Variants in SEMA5A observed in about 807,000 individuals in gnomAD.
SEMA5A encodes the protein semaphorin 5A.
SEMA5A carries 55 observed loss-of-function variants against 135.5 expected under a neutral mutation model. The ratio of observed to expected loss-of-function variants is 0.41; its 90% CI spans 0.33 to 0.51. SEMA5A has a LOEUF of 0.51. Ranked by LOEUF, SEMA5A falls within the 20% of genes least tolerant of loss-of-function variation. The pLI is 0.37. For synonymous variants in SEMA5A, 580 were observed against 546.5 expected (o/e 1.06, Z -0.85); for missense variants, 1,290 against 1,419.9 (o/e 0.91, Z 1.47).
rs564495236 is a variant in SEMA5A, at chr5:9,354,953, C to T, written c.125-17141G>A. Among the ~76,000 whole-genome samples the T allele has an allele frequency of 2.4e-4, 36 of 152,148 alleles. No individual in the cohort carries two copies. In the South Asian group the frequency reaches 6.6e-3, roughly 28 times the overall value. The stretch of plus-strand genomic sequence containing the variant: ...CAAGAGAAGCAGGACAGGAGTGTAA[C>T]GAGAGACAGGAGAGGAGAGGTGTGA... On this transcript the variant is annotated intron_variant, in intron 3 of 22. Transcript: ENST00000382496.
At chr5:9,493,142 T>C (rs1292570493) in intron 1 of SEMA5A, among the ~76,000 whole-genome samples, 1 of 152,052 alleles carries the variant, frequency 6.6e-6, no homozygotes, top group Non-Finnish European at 1.5e-5. Flanking sequence ...CACTCTATAC[T>C]TGTTGCCCAA....
chr5:9,301,975 G>T (rs534284083), intron 5 of SEMA5A, among the ~76,000 whole-genome samples: 1 of 151,850 alleles, frequency 6.6e-6, no homozygotes, highest in Non-Finnish European at 1.5e-5. Flanking sequence ...AGAATCCATC[G>T]CCCCTTGCAG....
chr5:9,066,476 C>G lies in SEMA5A; in HGVS notation c.2244G>C (p.Gln748His), dbSNP rs559866601. 2 of 1,614,230 alleles carry G rather than the reference C, an allele frequency of 1.2e-6. No homozygotes were observed. Among genetic ancestry groups the G allele is most frequent in the African/African-American group, 2.7e-5 (2 of 75,060 alleles). Residue 748 changes from glutamine (Q) to histidine (H), a missense_variant, in exon 17 of 23, where the codon CAG becomes CAC. Gln to His is a conservative substitution (Grantham distance 24). Transcript: ENST00000382496. ...ADPNLLEVGR[Q>H]RIEMRYCSSD... ...TAGAACAGTACCGCATTTCGATTCT[C>G]TGTCTTCCCACTTCCAGCAAATTCG...
intron 1 of SEMA5A, among the ~76,000 whole-genome samples, chr5:9,504,212 C>CAAAAAA (rs370383687): frequency 8.5e-6 from 1 of 118,008 alleles, no homozygotes; most frequent in African/African-American, 3.3e-5. Flanking sequence ...GACTCCGTCT[C>CAAAAAA]AAAAAAAAAA....
intron 11 of SEMA5A, among the ~76,000 whole-genome samples, chr5:9,160,206 G>A (rs569737671): frequency 6.6e-6 from 1 of 152,214 alleles, no homozygotes; most frequent in East Asian, 1.9e-4. Flanking sequence ...AGAAAGAAAA[G>A]TCAGCATTCT....
At chr5:9,419,771 C>G (rs552900546) in intron 2 of SEMA5A, among the ~76,000 whole-genome samples, 1 of 152,200 alleles carries the variant, frequency 6.6e-6, no homozygotes, top group Admixed American at 6.5e-5. Context: ...ATTTTTTTCT[C>G]AAGAATCATT....
At chr5:9,080,989 T>C (rs1459306180) in intron 16 of SEMA5A, among the ~76,000 whole-genome samples, 1 of 152,200 alleles carries the variant, frequency 6.6e-6, no homozygotes, top group Non-Finnish European at 1.5e-5. Context: ...GTTACAATAA[T>C]CCACAACCTC....
In SEMA5A at chr5:9,269,719, A is replaced by G. The variant is rs1269898884; in HGVS notation, c.271-31829T>C. On this transcript the variant is annotated intron_variant, in intron 5 of 22. Coordinates refer to ENST00000382496, the MANE Select transcript of SEMA5A (RefSeq NM_003966.3). ...GGTGGTGACCTTAAGGCTTCTATAA[A>G]TTTTTATAAAATATCTATTTATATT... 2.0e-5 allele frequency among the ~76,000 whole-genome samples: 3 copies of G among 152,258 alleles called. No individual in the cohort carries two copies. In the East Asian group the frequency reaches 5.8e-4, roughly 29 times the overall value.
intron 16 of SEMA5A, among the ~76,000 whole-genome samples, chr5:9,095,624 A>C (rs2150131821): frequency 6.6e-6 from 1 of 152,360 alleles, no homozygotes; most frequent in East Asian, 1.9e-4. Flanking sequence ...TTGCCTCAAA[A>C]ATTATTATGT....
At chr5:9,104,090 G>A (rs903145431) in intron 16 of SEMA5A, among the ~76,000 whole-genome samples, 1 of 152,176 alleles carries the variant, frequency 6.6e-6, no homozygotes, top group African/African-American at 2.4e-5. Context: ...TACAAATGGA[G>A]TTGTGTCATT....
intron 5 of SEMA5A, among the ~76,000 whole-genome samples, chr5:9,315,446 C>T (rs545818732): frequency 6.6e-6 from 1 of 152,242 alleles, no homozygotes; most frequent in Non-Finnish European, 1.5e-5. Flanking sequence ...ATTTGAATTT[C>T]TCCAGTTGTC....
rs4702635 is a variant in SEMA5A at position 9,545,493 on chromosome 5, G to A, written c.-175+91C>T. The A allele has an allele frequency of 0.03, 4,566 of 152,140 alleles. 106 individuals carry two copies. The highest frequency in any genetic ancestry group is 0.045 in the Non-Finnish European group (3,067 of 68,236). 9.4% of individuals were successfully genotyped at this position (152,140 alleles called of 1,614,324 possible). A position where few individuals can be genotyped will look rare whatever the true frequency, so the allele number is the denominator to read the frequency against. ...CACCACCCACCAGCCGACCGCTGCAGTCCCCGGGTCCCGGCCAGCGGCGCG... is the reference window on the plus strand; with the variant it reads ...CACCACCCACCAGCCGACCGCTGCAATCCCCGGGTCCCGGCCAGCGGCGCG... On this transcript the variant is annotated intron_variant, in intron 1 of 22. Coordinates refer to ENST00000382496, the MANE Select transcript of SEMA5A (RefSeq NM_003966.3). This position sits in a 1 kb window ranked among gnomAD's most constrained non-coding sequence, Gnocchi z 4.5.
chr5:9,173,052 T>C (rs1481359609), intron 11 of SEMA5A, among the ~76,000 whole-genome samples: 1 of 152,164 alleles, frequency 6.6e-6, no homozygotes, highest in East Asian at 1.9e-4. Flanking sequence ...TGTTGATTGC[T>C]CTTAAATGGG....
At chr5:9,422,279 T>C (rs1272496295) in intron 2 of SEMA5A, 5 of 152,214 alleles carry the variant, frequency 3.3e-5, no homozygotes, top group African/African-American at 1.2e-4. Context: ...CCTGAATAAT[T>C]CTTCAACCTG....
In SEMA5A at chr5:9,388,685, G is replaced by A. The variant is rs1039099405; in HGVS notation, c.-77-8662C>T. Reference sequence around the variant, plus strand: ...GAGGCCGAGGTGGGCGGATCATGAGGTCAGAAGATCAAGACCATCCTGGCT... The same window carrying A: ...GAGGCCGAGGTGGGCGGATCATGAGATCAGAAGATCAAGACCATCCTGGCT... On this transcript the variant is annotated intron_variant, in intron 2 of 22. Transcript: ENST00000382496. Among the ~76,000 whole-genome samples the A allele has an allele frequency of 3.3e-5, 5 of 152,180 alleles. No homozygotes were observed. In the East Asian group the frequency reaches 7.7e-4, roughly 24 times the overall value.
intron 3 of SEMA5A, among the ~76,000 whole-genome samples, chr5:9,357,033 C>T (rs763734596): frequency 1.2e-4 from 18 of 152,168 alleles, no homozygotes; most frequent in Non-Finnish European, 2.1e-4. Flanking sequence ...AAATCATTTT[C>T]CTTCCTGAGC....
chr5:9,511,764 C>G (rs1426154368), intron 1 of SEMA5A, among the ~76,000 whole-genome samples: 1 of 152,024 alleles, frequency 6.6e-6, no homozygotes, highest in Non-Finnish European at 1.5e-5. Context: ...TTTAATCATT[C>G]CACAAGATGT....
rs949877571 is a variant in SEMA5A, at chr5:9,395,703, C to T, written c.-77-15680G>A. Among the ~76,000 whole-genome samples, 6 of 152,154 alleles carry T rather than the reference C, an allele frequency of 3.9e-5. No individual in the cohort carries two copies. The East Asian group carries it at 7.7e-4, about 20-fold the overall frequency. ...GGTAAATAGAACACACCTGTTAATT[C>T]GTTATAGGCAAAGTAGCACACATGT... On this transcript the variant is annotated intron_variant, in intron 2 of 22. Transcript: ENST00000382496.
At chr5:9,240,524 G>C (rs1748135610) in intron 5 of SEMA5A, among the ~76,000 whole-genome samples, 1 of 151,612 alleles carries the variant, frequency 6.6e-6, no homozygotes, top group Non-Finnish European at 1.5e-5. Flanking sequence ...AGGTCAGCTA[G>C]ACTTTGCCTA....
Sources: gnomAD v4.1 joint callset for allele counts (sites outside exome capture counted in the v4.1 genomes callset) on GRCh38, gnomAD v4.1.1 for gene constraint, Gnocchi (gnomAD v3.1) non-coding constraint, MANE v1.5 for transcripts, NCBI Gene and HGNC (gene_info 2026-07-23, HGNC 2026-07-21) for gene names.